LHFPL3: variants seen among roughly 807,000 people sequenced by gnomAD.
LHFPL3 encodes LHFPL tetraspan subfamily member 3 protein.
In LHFPL3, 5 loss-of-function variants were observed where a neutral mutation model predicts 19.3. The ratio of observed to expected loss-of-function variants is 0.26; its 90% CI spans 0.14 to 0.54. The LOEUF is 0.54. LHFPL3 is among the 20% of genes least tolerant of loss of function. The pLI is 0.94. For synonymous variants in LHFPL3, 133 were observed against 126.2 expected, an observed-to-expected ratio of 1.05 and a Z score of -0.36; for missense variants, 249 against 307.4, an observed-to-expected ratio of 0.81 and a Z score of 1.42.
At chr7:104,349,639 T>C (rs1444117752) in intron 1 of LHFPL3, among the ~76,000 whole-genome samples, 1 of 152,216 alleles carries the variant, frequency 6.6e-6, no homozygotes, top group Non-Finnish European at 1.5e-5. Context: ...GGTTGATGGG[T>C]GCATCAAACC....
intron 2 of LHFPL3, among the ~76,000 whole-genome samples, chr7:104,899,323 C>G (rs898565818): frequency 3.3e-5 from 5 of 152,080 alleles, no homozygotes; most frequent in South Asian, 4.2e-4. Context: ...GGTTGAAAGC[C>G]AGGGAGAATG....
intron 2 of LHFPL3, among the ~76,000 whole-genome samples, chr7:104,817,938 A>G (rs1395299096): frequency 2.0e-5 from 3 of 152,198 alleles, no homozygotes; most frequent in Non-Finnish European, 4.4e-5. Context: ...AAAATTAAGT[A>G]CCATTCATTT....
chr7:104,506,237 C>T (rs998510048), intron 1 of LHFPL3, among the ~76,000 whole-genome samples: 3 of 151,842 alleles, frequency 2.0e-5, no homozygotes, highest in South Asian at 2.1e-4. Context: ...AGGAAATCCC[C>T]GCCCCCGCTG....
chr7:104,378,968 T>A (rs557200609), intron 1 of LHFPL3, among the ~76,000 whole-genome samples: 63 of 152,340 alleles, frequency 4.1e-4, no homozygotes, highest in African/African-American at 1.4e-3. Flanking sequence ...ACTTATCATT[T>A]TTTTCTTTTA....
chr7:104,576,529 A>C (rs922519033), intron 1 of LHFPL3, among the ~76,000 whole-genome samples: 1 of 152,232 alleles, frequency 6.6e-6, no homozygotes, highest in African/African-American at 2.4e-5. Flanking sequence ...TTAACCTTCC[A>C]GACTATCTAA....
rs199586008 is a variant in LHFPL3 at position 104,830,093 on chromosome 7, A to C, written c.683-76094A>C. On this transcript the variant is annotated intron_variant, in intron 2 of 2. Transcript: ENST00000424859. The stretch of plus-strand genomic sequence containing the variant: ...TCTCTGATGGCCAGTGATGATGAGC[A>C]TTTTTTCATGTGTCTTTTGGCTGCA... 2.5e-3 allele frequency among the ~76,000 whole-genome samples: 387 copies of C among 151,898 alleles called. 12 individuals carry two copies. In the East Asian group the frequency reaches 0.064, roughly 25 times the overall value.
At chr7:104,584,161 A>G (rs1490418376) in intron 1 of LHFPL3, among the ~76,000 whole-genome samples, 3 of 152,114 alleles carry the variant, frequency 2.0e-5, no homozygotes, top group Non-Finnish European at 4.4e-5. Flanking sequence ...CTTTGTAGGG[A>G]CATGGATGAA....
At chr7:104,703,249 G>T (rs964386314) in intron 1 of LHFPL3, among the ~76,000 whole-genome samples, 1 of 152,136 alleles carries the variant, frequency 6.6e-6, no homozygotes, top group African/African-American at 2.4e-5. Flanking sequence ...CATTCTGTTT[G>T]TAGGATACAA....
chr7:104,741,879 A>C (rs1793943748), intron 2 of LHFPL3, among the ~76,000 whole-genome samples: 1 of 152,158 alleles, frequency 6.6e-6, no homozygotes, highest in Admixed American at 6.5e-5. Context: ...CACATGCAAG[A>C]AAACTCAACT....
At chr7:104,504,494 A>G (rs1793659693) in intron 1 of LHFPL3, among the ~76,000 whole-genome samples, 1 of 152,210 alleles carries the variant, frequency 6.6e-6, no homozygotes, top group Admixed American at 6.5e-5. Flanking sequence ...ATTTCTCAAA[A>G]ATATCAATGT....
At chr7:104,530,783 T>C (rs796346989) in intron 1 of LHFPL3, among the ~76,000 whole-genome samples, 16 of 152,348 alleles carry the variant, frequency 1.1e-4, no homozygotes, top group African/African-American at 3.6e-4. Context: ...CAAGGGTTTA[T>C]TTTAAAGGTT....
chr7:104,668,102 A>T, intron 1 of LHFPL3: 1 of 1,613,962 alleles, frequency 6.2e-7, no homozygotes, highest in South Asian at 1.1e-5. Flanking sequence ...TCTTTCGAGG[A>T]TTAAATATCA....
intron 1 of LHFPL3, among the ~76,000 whole-genome samples, chr7:104,425,800 C>T (rs1192377690): frequency 1.3e-5 from 2 of 152,162 alleles, no homozygotes; most frequent in African/African-American, 2.4e-5. Context: ...TCCTAGAAGG[C>T]TTTTCTGAAG....
chr7:104,640,735 T>A (rs1205492537), intron 1 of LHFPL3, among the ~76,000 whole-genome samples: 1 of 152,190 alleles, frequency 6.6e-6, no homozygotes, highest in Non-Finnish European at 1.5e-5. Flanking sequence ...GCAAGAAATG[T>A]GCATTTTTAA....
chr7:104,495,750 C>T (rs543933835), intron 1 of LHFPL3, among the ~76,000 whole-genome samples: 4 of 152,192 alleles, frequency 2.6e-5, no homozygotes, highest in African/African-American at 7.2e-5. Flanking sequence ...CTTGAACTCC[C>T]GGCCTCAAGT....
chr7:104,484,453 A>T (rs1793200264), intron 1 of LHFPL3, among the ~76,000 whole-genome samples: 1 of 152,224 alleles, frequency 6.6e-6, no homozygotes, highest in Non-Finnish European at 1.5e-5. Context: ...GGAGAAGGTC[A>T]AAAGCCTTCT....
intron 2 of LHFPL3, among the ~76,000 whole-genome samples, chr7:104,882,323 C>CT (rs1792073639): frequency 6.6e-6 from 1 of 152,194 alleles, no homozygotes; most frequent in Non-Finnish European, 1.5e-5. Context: ...TCTCAGCTCA[C>CT]TGCAGCCTTC....
chr7:104,502,726 C>T (rs1211723885), intron 1 of LHFPL3, among the ~76,000 whole-genome samples: 2 of 152,180 alleles, frequency 1.3e-5, no homozygotes, highest in East Asian at 1.9e-4. Flanking sequence ...TTTCCCAGCC[C>T]TCACAACTCA....
rs928496816 is a variant in LHFPL3 at position 104,399,895 on chromosome 7, C to G, written c.445+70671C>G. 2.1e-4 allele frequency among the ~76,000 whole-genome samples: 32 copies of G among 150,736 alleles called. No homozygotes were observed. Among genetic ancestry groups the G allele is most frequent in the Admixed American group, 2.0e-4 (3 of 15,118 alleles). ...CCGAGGCAGGTGGATCACGTGAGGT[C>G]GAGTTTGAGACCAGCCTGGCCAACA... On this transcript the variant is annotated intron_variant, in intron 1 of 2. Transcript: ENST00000424859. The surrounding 1 kb of genome is among the most constrained non-coding windows in gnomAD (Gnocchi z 4.4).
Sources: gnomAD v4.1 joint callset for allele counts (sites outside exome capture counted in the v4.1 genomes callset) on GRCh38, gnomAD v4.1.1 for gene constraint, Gnocchi (gnomAD v3.1) non-coding constraint, MANE v1.5 for transcripts, NCBI Gene and HGNC (gene_info 2026-07-23, HGNC 2026-07-21) for gene names.